Variants in CENPP observed in about 807,000 individuals in gnomAD.
CENPP encodes the protein centromere protein P.
In CENPP, 24 loss-of-function variants were observed where a neutral mutation model predicts 35.6. The observed-to-expected ratio is 0.67, with a 90% confidence interval of 0.49 to 0.95. The LOEUF is 0.95. CENPP is among the 40% of genes least tolerant of loss of function. The pLI, the probability that CENPP is intolerant of heterozygous loss-of-function variation, is 0.00. For missense variants in CENPP, 332 were observed against 345.3 expected (o/e 0.96, Z 0.31); for synonymous variants, 120 against 125.5 (o/e 0.96, Z 0.29).
At chr9:92,588,325 T>C (rs1246895775) in intron 5 of CENPP, among the ~76,000 whole-genome samples, 1 of 151,644 alleles carries the variant, frequency 6.6e-6, no homozygotes, top group Non-Finnish European at 1.5e-5. Context: ...CTCGGCTCAC[T>C]GCAAGCTCTG....
At chr9:92,507,181 G>A (rs984851627) in intron 5 of CENPP, among the ~76,000 whole-genome samples, 9 of 152,188 alleles carry the variant, frequency 5.9e-5, no homozygotes, top group Admixed American at 1.3e-4. Flanking sequence ...GGTTAACCTG[G>A]TGGTGGTGCT....
intron 2 of CENPP, among the ~76,000 whole-genome samples, chr9:92,335,227 T>A (rs1199408273): frequency 1.3e-5 from 2 of 152,160 alleles, no homozygotes; most frequent in East Asian, 1.9e-4. Flanking sequence ...AACTGAAAAT[T>A]TATCATGCTA....
chr9:92,417,609 AG>A lies in CENPP; in HGVS notation c.564+37751del, dbSNP rs1165153042. On this transcript the variant is annotated intron_variant, in intron 5 of 7. Coordinates refer to ENST00000375587, the MANE Select transcript of CENPP (RefSeq NM_001012267.3). ...GGAGAAAAGGAAACATTGTGGAGAA[AG>A]TGAGTAAACTCAGAATACGCTTTGT... 3 of 1,137,886 alleles carry A rather than the reference AG, an allele frequency of 2.6e-6. No homozygotes were observed. The Admixed American group carries it at 7.4e-5, about 28-fold the overall frequency. 70.5% of individuals were successfully genotyped at this position (1,137,886 alleles called of 1,614,324 possible). A position where few individuals can be genotyped will look rare whatever the true frequency, so the allele number is the denominator to read the frequency against.
chr9:92,326,424 C>T (rs1300182269), intron 1 of CENPP, among the ~76,000 whole-genome samples: 2 of 152,218 alleles, frequency 1.3e-5, no homozygotes, highest in Non-Finnish European at 2.9e-5. Flanking sequence ...GATTTAATAA[C>T]TCCGTTTGGT....
chr9:92,432,397 G>A (rs1844134236), intron 5 of CENPP, among the ~76,000 whole-genome samples: 1 of 151,896 alleles, frequency 6.6e-6, no homozygotes, highest in African/African-American at 2.4e-5. Flanking sequence ...CTAGCTCTTT[G>A]TTTGAAAGAC....
intron 5 of CENPP, among the ~76,000 whole-genome samples, chr9:92,594,300 A>T (rs950489210): frequency 3.9e-5 from 6 of 152,086 alleles, no homozygotes; most frequent in African/African-American, 1.4e-4. Flanking sequence ...GATCACGGGG[A>T]ACCTAAAATT....
At chr9:92,582,030 GTGTTTTGTTT>G (rs56879645) in intron 5 of CENPP, among the ~76,000 whole-genome samples, 426 of 149,642 alleles carry the variant, frequency 2.8e-3, no homozygotes, top group African/African-American at 6.4e-3. Context: ...ACACTTGGTG[GTGTTTTGTTT>G]TGTTTTGTTT....
chr9:92,470,811 A>G (rs1845483969), intron 5 of CENPP: 4 of 1,271,310 alleles, frequency 3.1e-6, no homozygotes, highest in Admixed American at 4.6e-5. Context: ...ATTATATAAT[A>G]GAGAATCATG....
At chr9:92,425,052 G>A (rs1459485507) in intron 5 of CENPP, among the ~76,000 whole-genome samples, 1 of 152,198 alleles carries the variant, frequency 6.6e-6, no homozygotes, top group Admixed American at 6.5e-5. Context: ...GTTAAAACAA[G>A]AAATCAGGAT....
chr9:92,496,231 G>C (rs1186621525), intron 5 of CENPP: 2 of 1,493,092 alleles, frequency 1.3e-6, no homozygotes, highest in Non-Finnish European at 1.8e-6. Context: ...TATAACAGGA[G>C]GATTATGTCT....
intron 5 of CENPP, among the ~76,000 whole-genome samples, chr9:92,525,782 C>T (rs1427908597): frequency 3.3e-5 from 5 of 150,098 alleles, no homozygotes; most frequent in South Asian, 4.2e-4. Context: ...CCCAGCAACT[C>T]GGGAGGCTGA....
intron 5 of CENPP, among the ~76,000 whole-genome samples, chr9:92,599,460 A>C (rs577611557): frequency 3.9e-5 from 6 of 152,246 alleles, no homozygotes; most frequent in African/African-American, 1.4e-4. Context: ...TCTGTCACCC[A>C]GGCTGGAATG....
rs1245481818 is a variant in CENPP at position 92,416,840 on chromosome 9, A to G, written c.564+36981A>G. ...TATAGAAGAAATTGAATTATTTTCT[A>G]AAGACAGATACATAAGTGAAGAAGG... On this transcript the variant is annotated intron_variant, in intron 5 of 7. Transcript: ENST00000375587. The G allele has an allele frequency of 4.2e-5, 68 of 1,613,800 alleles. No homozygotes were observed. The highest frequency in any genetic ancestry group is 5.3e-5 in the Non-Finnish European group (62 of 1,179,756).
At chr9:92,505,152 C>T (rs1055507672) in intron 5 of CENPP, among the ~76,000 whole-genome samples, 1 of 152,210 alleles carries the variant, frequency 6.6e-6, no homozygotes, top group Non-Finnish European at 1.5e-5. Context: ...AGTGGACACT[C>T]TGTTACGGTT....
At chr9:92,577,780 TC>T (rs1213816834) in intron 5 of CENPP, among the ~76,000 whole-genome samples, 6 of 151,760 alleles carry the variant, frequency 4.0e-5, no homozygotes, top group Middle Eastern at 3.4e-3. Context: ...GGAGACCCTA[TC>T]TTTTATTTAT....
At chr9:92,480,023 G>C (rs1845856605) in intron 5 of CENPP, among the ~76,000 whole-genome samples, 2 of 152,040 alleles carry the variant, frequency 1.3e-5, no homozygotes, top group Non-Finnish European at 2.9e-5. Context: ...TATGACTTTT[G>C]GCTGTTTTAT....
At chr9:92,483,353 C>T (rs1316265600) in intron 5 of CENPP, among the ~76,000 whole-genome samples, 5 of 152,052 alleles carry the variant, frequency 3.3e-5, no homozygotes, top group African/African-American at 7.2e-5. Context: ...CTCAGCCTCC[C>T]GAGTAGCTGG....
chr9:92,455,479 A>G lies in CENPP; in HGVS notation c.564+75620A>G, dbSNP rs549208713. Among the ~76,000 whole-genome samples the G allele has an allele frequency of 2.6e-5, 4 of 152,178 alleles. No individual in the cohort carries two copies. In the South Asian group the frequency reaches 6.2e-4, roughly 24 times the overall value. The stretch of plus-strand genomic sequence containing the variant: ...AGTGTGTAGAGACCAGGGTGCAACT[A>G]AAAGATGTACAGGGCAGCCCCTGCC... On this transcript the variant is annotated intron_variant, in intron 5 of 7. Coordinates refer to ENST00000375587, the MANE Select transcript of CENPP (RefSeq NM_001012267.3).
At chr9:92,418,669 C>G (rs571850440) in intron 5 of CENPP, among the ~76,000 whole-genome samples, 1 of 152,250 alleles carries the variant, frequency 6.6e-6, no homozygotes, top group South Asian at 2.1e-4. Flanking sequence ...GGAGATTCTA[C>G]AACTTCTATT....
Sources: allele counts gnomAD v4.1 joint callset (sites outside exome capture counted in the v4.1 genomes callset), GRCh38; gene constraint gnomAD v4.1.1; transcripts MANE v1.5; gene names NCBI Gene and HGNC (gene_info 2026-07-23, HGNC 2026-07-21).